SLC61A1: variants seen among roughly 807,000 people sequenced by gnomAD.
SLC61A1 encodes major facilitator superfamily domain containing 5.
the SLC61A1 span, chr12:53,251,962 CAGG>C: frequency 6.5e-7 from 1 of 1,535,780 alleles, no homozygotes; most frequent in Non-Finnish European, 8.7e-7. Context: ...GAGGCCAGGC[CAGG>C]AGAAGCAACC....
chr12:53,253,198 C>A, the SLC61A1 span: 1 of 1,614,150 alleles, frequency 6.2e-7, no homozygotes, highest in Non-Finnish European at 8.5e-7. Flanking sequence ...GCTGCTTAAC[C>A]AAACTCTCTC....
the SLC61A1 span, chr12:53,252,921 C>G: frequency 3.7e-6 from 6 of 1,614,210 alleles, no homozygotes; most frequent in Non-Finnish European, 4.2e-6. Context: ...GCTAAACCCC[C>G]TGGAAGGGCC....
the SLC61A1 span, chr12:53,251,245 G>A: frequency 6.1e-6 from 1 of 163,200 alleles, no homozygotes; most frequent in Non-Finnish European, 1.4e-5. Context: ...ACAGGGAACA[G>A]TGTGCAAAAG....
chr12:53,252,480 G>C, the SLC61A1 span: 9 of 1,309,532 alleles, frequency 6.9e-6, no homozygotes, highest in Admixed American at 3.3e-4. Flanking sequence ...AGCGAGGACG[G>C]GAGGTAATAG....
the SLC61A1 span, chr12:53,252,267 A>G: frequency 7.1e-7 from 1 of 1,399,184 alleles, no homozygotes; most frequent in Non-Finnish European, 9.2e-7. Context: ...CCGGGGCAGC[A>G]GGTGAGGCGG....
chr12:53,252,086 G>A, the SLC61A1 span: 4 of 1,460,606 alleles, frequency 2.7e-6, no homozygotes, highest in Admixed American at 2.6e-5. Context: ...TTGGCGCCGC[G>A]CCCCCGTCAC....
chr12:53,253,518 G>A, the SLC61A1 span: 48 of 1,614,150 alleles, frequency 3.0e-5, 1 homozygote, highest in Admixed American at 4.5e-4. Context: ...AACTATGACC[G>A]GCAGCGTGCC....
the SLC61A1 span, chr12:53,253,075 C>T: frequency 1.2e-6 from 2 of 1,614,280 alleles, no homozygotes; most frequent in East Asian, 2.2e-5. Flanking sequence ...TTGCCATCCT[C>T]TATGTCTGTG....
chr12:53,252,136 G>A, the SLC61A1 span: 3 of 1,439,184 alleles, frequency 2.1e-6, no homozygotes, highest in Non-Finnish European at 2.7e-6. Flanking sequence ...GGCCTGCCCG[G>A]CTCCCGGAAG....
chr12:53,252,291 T>G, the SLC61A1 span: 1 of 1,388,150 alleles, frequency 7.2e-7, no homozygotes, highest in Non-Finnish European at 9.2e-7. Flanking sequence ...CTGGGCGAGG[T>G]GCAAGTGGAT....
At chr12:53,251,749 T>C in the SLC61A1 span, 1 of 1,536,764 alleles carries the variant, frequency 6.5e-7, no homozygotes. Context: ...GTCACTGCAG[T>C]GGGAGAGGAG....
At chr12:53,253,810 T>A in the SLC61A1 span, 5 of 1,614,186 alleles carry the variant, frequency 3.1e-6, no homozygotes, top group African/African-American at 6.7e-5. Context: ...TCGTCTTCTC[T>A]CTCTTCATGT....
At chr12:53,253,552 CCT>C in the SLC61A1 span, 5 of 1,614,068 alleles carry the variant, frequency 3.1e-6, no homozygotes, top group Non-Finnish European at 4.2e-6. Context: ...GTGCTGGAGG[CCT>C]GCGCTGCCTC....
chr12:53,251,695 C>T, the SLC61A1 span: 1 of 1,502,208 alleles, frequency 6.7e-7, no homozygotes, highest in African/African-American at 1.4e-5. Flanking sequence ...CACCACACCG[C>T]CTCCCTCAGG....
the SLC61A1 span, chr12:53,252,967 C>T: frequency 6.2e-7 from 1 of 1,614,238 alleles, no homozygotes; most frequent in Non-Finnish European, 8.5e-7. Flanking sequence ...TTCAACTGGA[C>T]TTCTATCAGG....
the SLC61A1 span, chr12:53,254,143 G>T: frequency 6.2e-7 from 1 of 1,614,072 alleles, no homozygotes; most frequent in African/African-American, 1.3e-5. Context: ...ATGCTGAGCT[G>T]CGGGTACCTT....
chr12:53,254,145 G>A, the SLC61A1 span: 51 of 1,614,004 alleles, frequency 3.2e-5, no homozygotes, highest in Non-Finnish European at 3.8e-5. Flanking sequence ...GCTGAGCTGC[G>A]GGTACCTTCA....
chr12:53,251,680 C>G, the SLC61A1 span: 170 of 1,486,630 alleles, frequency 1.1e-4, no homozygotes, highest in Non-Finnish European at 1.5e-4. Context: ...ACTCCAAGTT[C>G]TTTACACCAC....
At chr12:53,252,564 C>T in the SLC61A1 span, 2 of 1,367,562 alleles carry the variant, frequency 1.5e-6, no homozygotes, top group Non-Finnish European at 1.9e-6. Flanking sequence ...AAGGGACTCC[C>T]TCTTCACAGG....
Sources: allele counts gnomAD v4.1 joint callset, GRCh38; gene constraint gnomAD v4.1.1; transcripts MANE v1.5; gene names NCBI Gene and HGNC (gene_info 2026-07-23, HGNC 2026-07-21).